PPP2R3A: variants seen among roughly 807,000 people sequenced by gnomAD.
PPP2R3A encodes serine/threonine-protein phosphatase 2A regulatory subunit B'' subunit alpha.
A neutral mutation model predicts 106.9 loss-of-function variants in PPP2R3A; 80 were observed. That is an observed-to-expected ratio of 0.75 (90% CI 0.62 to 0.90). The LOEUF is 0.90. PPP2R3A is among the 40% of genes least tolerant of loss of function. The pLI, the probability that PPP2R3A is intolerant of heterozygous loss-of-function variation, is 0.00. For synonymous variants in PPP2R3A, 483 were observed against 468.3 expected (o/e 1.03, Z -0.41); for missense variants, 1,386 against 1,350.4 (o/e 1.03, Z -0.41).
At chr3:136,101,008 A>G (rs922056034) in intron 10 of PPP2R3A, among the ~76,000 whole-genome samples, 1 of 152,228 alleles carries the variant, frequency 6.6e-6, no homozygotes, top group Non-Finnish European at 1.5e-5. Flanking sequence ...AGAGTAACAA[A>G]ATAATGAGGA....
chr3:136,139,706 A>AAG (rs1431741625), intron 13 of PPP2R3A, among the ~76,000 whole-genome samples: 21 of 149,966 alleles, frequency 1.4e-4, no homozygotes, highest in African/African-American at 5.2e-4. Context: ...AAAAAAAAAA[A>AAG]AAAGAGTTTG....
At chr3:136,000,029 G>A (rs549268010) in intron 1 of PPP2R3A, among the ~76,000 whole-genome samples, 4 of 152,146 alleles carry the variant, frequency 2.6e-5, no homozygotes, top group South Asian at 4.1e-4. Flanking sequence ...TTGTACTTGC[G>A]GTTATTCTAC....
chr3:136,056,951 C>T (rs1276099025), intron 5 of PPP2R3A, among the ~76,000 whole-genome samples: 9 of 152,222 alleles, frequency 5.9e-5, no homozygotes, highest in African/African-American at 7.2e-5. Context: ...CATCACTAAT[C>T]ATCAGAGAAA....
At chr3:136,111,511 C>T (rs1937591736) in intron 13 of PPP2R3A, among the ~76,000 whole-genome samples, 1 of 152,012 alleles carries the variant, frequency 6.6e-6, no homozygotes, top group Admixed American at 6.6e-5. Flanking sequence ...TAGCAATAAG[C>T]CAAACTTCTT....
rs1323355680 is a variant in PPP2R3A, at chr3:136,066,596, C to T, written c.2470-3882C>T. 2.6e-5 allele frequency among the ~76,000 whole-genome samples: 4 copies of T among 152,222 alleles called. No individual in the cohort carries two copies. In the South Asian group the frequency reaches 8.3e-4, roughly 32 times the overall value. ...ACGGTGCTGGCATCTGCTTGGCCTACGGTGAAGCCTCGGAGTTTTCAATCA... is the reference window on the plus strand; with the variant it reads ...ACGGTGCTGGCATCTGCTTGGCCTATGGTGAAGCCTCGGAGTTTTCAATCA... On this transcript the variant is annotated intron_variant, in intron 5 of 13. Transcript: ENST00000264977.
At chr3:136,087,245 G>GTC (rs34566151) in intron 8 of PPP2R3A, among the ~76,000 whole-genome samples, 7,393 of 74,900 alleles carry the variant, frequency 0.099, 673 homozygotes, top group East Asian at 0.13. Flanking sequence ...CTCTAGTCGT[G>GTC]TCTCTCTCTC....
chr3:136,054,403 C>T (rs1262556986), intron 5 of PPP2R3A, among the ~76,000 whole-genome samples: 1 of 151,978 alleles, frequency 6.6e-6, no homozygotes, highest in Non-Finnish European at 1.5e-5. Flanking sequence ...GGATTACAGG[C>T]ACGCGCCACC....
At chr3:136,130,041 A>C (rs1006719653) in intron 13 of PPP2R3A, among the ~76,000 whole-genome samples, 2 of 152,228 alleles carry the variant, frequency 1.3e-5, no homozygotes, top group African/African-American at 2.4e-5. Context: ...TCTTTATGAC[A>C]GACCCACAAC....
At chr3:136,054,537 A>G (rs997100142) in intron 5 of PPP2R3A, among the ~76,000 whole-genome samples, 1 of 152,166 alleles carries the variant, frequency 6.6e-6, no homozygotes, top group Admixed American at 6.5e-5. Flanking sequence ...GATTACAGGC[A>G]TGAGCCACCG....
chr3:135,970,129 C>T (rs890071223), intron 1 of PPP2R3A, among the ~76,000 whole-genome samples: 2 of 152,294 alleles, frequency 1.3e-5, no homozygotes, highest in East Asian at 1.9e-4. Flanking sequence ...CTGCCTTGGA[C>T]GAATCTGAGG....
intron 3 of PPP2R3A, among the ~76,000 whole-genome samples, chr3:136,030,778 A>ATGTATGTATGTATG (rs1553745405): frequency 9.0e-6 from 1 of 111,260 alleles, no homozygotes; most frequent in Non-Finnish European, 2.0e-5. Context: ...ATATATATAT[A>ATGTATGTATGTATG]TATGTATGTA....
chr3:136,034,005 T>C (rs1934997561), intron 3 of PPP2R3A, among the ~76,000 whole-genome samples: 1 of 151,806 alleles, frequency 6.6e-6, no homozygotes, highest in South Asian at 2.1e-4. Flanking sequence ...ATTGTCTGTT[T>C]GTGCTCTTTC....
intron 5 of PPP2R3A, chr3:136,055,411 T>C: frequency 2.0e-6 from 2 of 1,007,962 alleles, no homozygotes; most frequent in Non-Finnish European, 3.2e-6. Flanking sequence ...CCCCTGTTGC[T>C]CTCCGAGGTG....
intron 1 of PPP2R3A, among the ~76,000 whole-genome samples, chr3:135,971,860 G>C (rs1401052771): frequency 3.9e-5 from 6 of 152,170 alleles, no homozygotes; most frequent in Non-Finnish European, 1.5e-5. Flanking sequence ...CCATTACCAA[G>C]GTGGTCCAGA....
At chr3:136,011,316 A>G (rs976626764) in intron 2 of PPP2R3A, among the ~76,000 whole-genome samples, 1 of 151,972 alleles carries the variant, frequency 6.6e-6, no homozygotes, top group African/African-American at 2.4e-5. Context: ...TGAAACCTCT[A>G]TGAGAACAGG....
chr3:136,028,666 T>G (rs1025931393), intron 3 of PPP2R3A, among the ~76,000 whole-genome samples: 2 of 152,232 alleles, frequency 1.3e-5, no homozygotes, highest in Non-Finnish European at 2.9e-5. Flanking sequence ...CCCAATTCTT[T>G]TAGAGGTGGC....
chr3:136,077,229 C>G (rs1031907397), intron 6 of PPP2R3A, among the ~76,000 whole-genome samples: 2 of 152,108 alleles, frequency 1.3e-5, no homozygotes, highest in Non-Finnish European at 2.9e-5. Context: ...GAGCGCTGGA[C>G]AGCTGAAATC....
intron 2 of PPP2R3A, among the ~76,000 whole-genome samples, chr3:136,022,456 T>G (rs180900567): frequency 1.3e-5 from 2 of 152,142 alleles, no homozygotes; most frequent in East Asian, 3.8e-4. Context: ...CTGGAAAGAT[T>G]TGGGTATTTA....
In PPP2R3A at chr3:136,145,802, T is replaced by C. The variant is rs1053452732; in HGVS notation, c.*636T>C. On this transcript the variant is annotated 3_prime_UTR_variant, in exon 14 of 14. Transcript: ENST00000264977. ...GGGCCTTCCAACTTTGCTGGCAAGC[T>C]CTGGTAACCTCCCTGACTGTGGATC... is the stretch of plus-strand genomic sequence containing the variant. The C allele has an allele frequency of 1.3e-5, 2 of 152,596 alleles. No homozygotes were observed. The highest frequency in any genetic ancestry group is 4.8e-5 in the African/African-American group (2 of 41,432). The allele number at this position is 152,596 out of a possible 1,614,324, so 9.5% of individuals were successfully genotyped here.
Sources: gnomAD v4.1 joint callset for allele counts (sites outside exome capture counted in the v4.1 genomes callset) on GRCh38, gnomAD v4.1.1 for gene constraint, MANE v1.5 for transcripts, NCBI Gene and HGNC (gene_info 2026-07-23, HGNC 2026-07-21) for gene names.